Variants in ASIC2 observed in about 807,000 individuals in gnomAD.
ASIC2 encodes the protein acid sensing ion channel subunit 2, also known as acid-sensing ion channel 2.
A neutral mutation model predicts 57.3 loss-of-function variants in ASIC2; 25 were observed. The ratio of observed to expected loss-of-function variants is 0.44; its 90% CI spans 0.32 to 0.61. The LOEUF (loss-of-function observed/expected upper bound fraction) is 0.61, where lower values mean the gene tolerates loss of function less well. Among genes scored for constraint, ASIC2 ranks in the 20% least tolerant of loss-of-function variants. The pLI is 0.06. For missense variants in ASIC2, 641 were observed against 738.1 expected, an observed-to-expected ratio of 0.87 and a Z score of 1.52; for synonymous variants, 319 against 307.5, an observed-to-expected ratio of 1.04 and a Z score of -0.39.
At chr17:33,934,586 C>T (rs1245987852) in intron 1 of ASIC2, among the ~76,000 whole-genome samples, 2 of 152,174 alleles carry the variant, frequency 1.3e-5, no homozygotes, top group Non-Finnish European at 2.9e-5. Flanking sequence ...CCGTGGGATG[C>T]AAGGAGGACA....
At chr17:33,962,105 C>T (rs1904943133) in intron 1 of ASIC2, among the ~76,000 whole-genome samples, 1 of 152,138 alleles carries the variant, frequency 6.6e-6, no homozygotes, top group African/African-American at 2.4e-5. Flanking sequence ...GAATGCAAGC[C>T]CATGAACAAG....
At position 33,196,152 on chromosome 17, in the gene ASIC2, G is replaced by C. The variant is rs555970638; in HGVS notation, c.709-84085C>G. Among the ~76,000 whole-genome samples the C allele has an allele frequency of 1.1e-4, 17 of 152,266 alleles. No individual in the cohort carries two copies. In the South Asian group the frequency reaches 2.3e-3, roughly 20 times the overall value. ...AGCAGGTTGAGTAGCTCATTTCATC[G>C]TTCCTAAAATTCCTTGTTAGCCCTA... On this transcript the variant is annotated intron_variant, in intron 1 of 9. Coordinates refer to ENST00000225823, the MANE Select transcript of ASIC2 (RefSeq NM_183377.2).
chr17:33,053,327 A>C (rs2091985035), intron 3 of ASIC2, among the ~76,000 whole-genome samples: 1 of 152,188 alleles, frequency 6.6e-6, no homozygotes, highest in African/African-American at 2.4e-5. Flanking sequence ...ATGGGAATTT[A>C]GCTTATAACT....
intron 1 of ASIC2, among the ~76,000 whole-genome samples, chr17:33,143,416 C>T (rs774446760): frequency 2.2e-4 from 34 of 152,136 alleles, no homozygotes; most frequent in Admixed American, 1.5e-3. Flanking sequence ...TATTGAACAC[C>T]TACTATGTGC....
intron 1 of ASIC2, among the ~76,000 whole-genome samples, chr17:33,130,742 A>G (rs1198857525): frequency 2.0e-5 from 3 of 152,240 alleles, no homozygotes; most frequent in Non-Finnish European, 4.4e-5. Context: ...CTCCAGAGCC[A>G]TGAACTGGAG....
chr17:33,795,394 C>T (rs908592336), intron 1 of ASIC2, among the ~76,000 whole-genome samples: 3 of 152,266 alleles, frequency 2.0e-5, no homozygotes, highest in African/African-American at 7.2e-5. Flanking sequence ...TCTCTCTTTG[C>T]CCCATCCTTT....
At chr17:33,061,426 GTTTTTGTC>G (rs1033395423) in intron 3 of ASIC2, among the ~76,000 whole-genome samples, 13 of 152,158 alleles carry the variant, frequency 8.5e-5, no homozygotes, top group African/African-American at 3.1e-4. Context: ...TAATCATGTG[GTTTTTGTC>G]TTTGGTTCTG....
At chr17:33,799,344 C>CTT (rs199853199) in intron 1 of ASIC2, among the ~76,000 whole-genome samples, 2,933 of 142,314 alleles carry the variant, frequency 0.021, 96 homozygotes, top group Middle Eastern at 0.035. Context: ...TCTCTGTTTC[C>CTT]TCTCTTTCTC....
intron 1 of ASIC2, among the ~76,000 whole-genome samples, chr17:33,200,224 G>A (rs1286167282): frequency 6.6e-6 from 1 of 152,162 alleles, no homozygotes; most frequent in Non-Finnish European, 1.5e-5. Context: ...GACTGAAGGC[G>A]AGTCTCACAT....
At chr17:33,479,879 G>A (rs1449660614) in intron 1 of ASIC2, among the ~76,000 whole-genome samples, 1 of 152,112 alleles carries the variant, frequency 6.6e-6, no homozygotes, top group South Asian at 2.1e-4. Context: ...CCGGAACCCT[G>A]GTTCATGGTA....
intron 1 of ASIC2, among the ~76,000 whole-genome samples, chr17:34,027,031 T>C (rs993738911): frequency 6.6e-6 from 1 of 152,218 alleles, no homozygotes; most frequent in African/African-American, 2.4e-5. Flanking sequence ...ACCAAATACC[T>C]GTTTAAAGAG....
At chr17:33,062,379 T>G (rs2092024547) in intron 3 of ASIC2, among the ~76,000 whole-genome samples, 1 of 152,224 alleles carries the variant, frequency 6.6e-6, no homozygotes, top group South Asian at 2.1e-4. Flanking sequence ...TCTTGTTGGT[T>G]TCAAAGAACA....
chr17:33,925,029 TCAGGGCCAGTGTACCCAGGG>T (rs1201169776), intron 1 of ASIC2, among the ~76,000 whole-genome samples: 12 of 152,334 alleles, frequency 7.9e-5, no homozygotes, highest in African/African-American at 2.9e-4. Flanking sequence ...GCAGAAGAAC[TCAGGGCCAGTGTACCCAGGG>T]CTGGGCTTCC....
intron 2 of ASIC2, among the ~76,000 whole-genome samples, chr17:33,107,541 C>T (rs1361018195): frequency 1.3e-5 from 2 of 152,184 alleles, no homozygotes; most frequent in Admixed American, 1.3e-4. Flanking sequence ...GAACCTCTTC[C>T]TTTAAAATGG....
chr17:33,241,784 C>T (rs1211677769), intron 1 of ASIC2, among the ~76,000 whole-genome samples: 1 of 152,142 alleles, frequency 6.6e-6, no homozygotes, highest in Non-Finnish European at 1.5e-5. Flanking sequence ...GAATGCATGG[C>T]CCCTGTCCTC....
chr17:33,118,777 C>A (rs1036386374), intron 1 of ASIC2, among the ~76,000 whole-genome samples: 1 of 152,066 alleles, frequency 6.6e-6, no homozygotes, highest in Non-Finnish European at 1.5e-5. Flanking sequence ...ATGTCTTGAA[C>A]CTCTGCTTTT....
intron 1 of ASIC2, among the ~76,000 whole-genome samples, chr17:33,650,296 C>G (rs1906878046): frequency 6.6e-6 from 1 of 152,160 alleles, no homozygotes; most frequent in Non-Finnish European, 1.5e-5. Context: ...CACTATCCCT[C>G]TATCAGAATG....
At chr17:34,143,848 G>T (rs1252104428) in intron 1 of ASIC2, among the ~76,000 whole-genome samples, 1 of 152,190 alleles carries the variant, frequency 6.6e-6, no homozygotes, top group Non-Finnish European at 1.5e-5. Context: ...AGATGTGGCT[G>T]CTCAGTGTTG....
intron 1 of ASIC2, among the ~76,000 whole-genome samples, chr17:33,471,799 TTAA>T (rs1913059939): frequency 6.6e-6 from 1 of 152,194 alleles, no homozygotes; most frequent in African/African-American, 2.4e-5. Flanking sequence ...ATTAATAGTA[TTAA>T]TAACAAATAT....
Sources: allele counts gnomAD v4.1 joint callset (sites outside exome capture counted in the v4.1 genomes callset), GRCh38; gene constraint gnomAD v4.1.1; transcripts MANE v1.5; gene names NCBI Gene and HGNC (gene_info 2026-07-23, HGNC 2026-07-21).